Variants in ABCB9 observed in about 807,000 individuals in gnomAD.
ABCB9 encodes ATP binding cassette subfamily B member 9.
A neutral mutation model predicts 62.0 loss-of-function variants in ABCB9; 36 were observed. The observed-to-expected ratio is 0.58, with a 90% CI of 0.45 to 0.77. The LOEUF is 0.77. Among genes scored for constraint, ABCB9 ranks in the 30% least tolerant of loss-of-function variants. ABCB9 has a pLI of 0.00. For synonymous variants in ABCB9, 435 were observed against 461.4 expected, an observed-to-expected ratio of 0.94 and a Z score of 0.73; for missense variants, 943 against 1,054.7, an observed-to-expected ratio of 0.89 and a Z score of 1.47.
At chr12:122,948,960 T>TG in intron 4 of ABCB9, 131 bp from the exon 5 acceptor site, 1 of 305,758 alleles carries the variant, frequency 3.3e-6, no homozygotes, top group Non-Finnish European at 5.7e-6. Context: ...GGTTGGGGGG[T>TG]GGGGGAGAAG....
intron 6 of ABCB9, 135 bp downstream of exon 6, chr12:122,945,877 CAAAAAAAAAAAAA>C (rs766455584): frequency 2.7e-6 from 1 of 372,144 alleles, no homozygotes; most frequent in East Asian, 5.2e-5. Flanking sequence ...GGCTCTGTCT[CAAAAAAAAAAAAA>C]AAAAAAAAGA....
downstream of ABCB9, among the ~76,000 whole-genome samples, chr12:122,919,975 C>T (rs184636884): frequency 1.3e-5 from 2 of 151,910 alleles, no homozygotes; most frequent in African/African-American, 4.8e-5. Context: ...GGCACAATCT[C>T]GGCTCACTGC....
At chr12:122,939,177 CA>C (rs2035611171) in intron 9 of ABCB9, among the ~76,000 whole-genome samples, 1 of 151,948 alleles carries the variant, frequency 6.6e-6, no homozygotes, top group Non-Finnish European at 1.5e-5. Flanking sequence ...TCTCAAAAAA[CA>C]AAAATAAAGG....
At chr12:122,954,396 C>T (rs1281998587) in intron 2 of ABCB9, among the ~76,000 whole-genome samples, 11 of 151,998 alleles carry the variant, frequency 7.2e-5, no homozygotes, top group Admixed American at 2.0e-4. Context: ...TTAGTAGAGA[C>T]GGGGTTTCTC....
chr12:122,928,221 G>A (rs2034962934), downstream of ABCB9, among the ~76,000 whole-genome samples: 1 of 152,154 alleles, frequency 6.6e-6, no homozygotes, highest in Admixed American at 6.5e-5. Flanking sequence ...TATAATCCCA[G>A]CACTTAGGGA....
At position 122,944,793 on chromosome 12, in the gene ABCB9, C is replaced by A; in HGVS notation, c.1252-274G>T. 1 of 347,000 alleles carries A rather than the reference C, an allele frequency of 2.9e-6. No individual in the cohort carries two copies. Among genetic ancestry groups the A allele is most frequent in the Non-Finnish European group, 5.5e-6 (1 of 182,406 alleles). The allele number at this position is 347,000 out of a possible 1,614,324, so 21.5% of individuals were successfully genotyped here. A position where few individuals can be genotyped will look rare whatever the true frequency, so the allele number is the denominator to read the frequency against. ...GAGGTCCTGGCACACACATGCCACC[C>A]CCAGGCTCCTCAGCTTGGCCACCTG... is the stretch of plus-strand genomic sequence containing the variant. On this transcript the variant is annotated intron_variant, in intron 6 of 11. Transcript: ENST00000280560. This position sits in a 1 kb window ranked among gnomAD's most constrained non-coding sequence, Gnocchi z 4.9.
At chr12:122,957,656 A>ATT (rs2036667430) in intron 2 of ABCB9, among the ~76,000 whole-genome samples, 2 of 139,978 alleles carry the variant, frequency 1.4e-5, no homozygotes, top group Non-Finnish European at 3.1e-5. Flanking sequence ...CAACTAAAAT[A>ATT]TTAATATCTT....
chr12:122,957,824 A>C (rs1455926378), intron 2 of ABCB9, among the ~76,000 whole-genome samples: 2 of 150,762 alleles, frequency 1.3e-5, no homozygotes, highest in Non-Finnish European at 2.9e-5. Context: ...CAGCTCCAGG[A>C]ATTTATTCTA....
At chr12:122,937,574 T>C (rs1419262649) in intron 9 of ABCB9, among the ~76,000 whole-genome samples, 1 of 152,210 alleles carries the variant, frequency 6.6e-6, no homozygotes, top group Non-Finnish European at 1.5e-5. Flanking sequence ...GCGTGGTACC[T>C]ACTGCAAAGT....
intron 1 of ABCB9, among the ~76,000 whole-genome samples, chr12:122,960,911 A>G (rs2036860175): frequency 6.6e-6 from 1 of 152,052 alleles, no homozygotes. Context: ...ACAAACAAAC[A>G]TTAACTGAGT....
At chr12:122,925,144 C>T (rs1352572798), downstream of ABCB9, among the ~76,000 whole-genome samples, 1 of 152,144 alleles carries the variant, frequency 6.6e-6, no homozygotes, top group Admixed American at 6.5e-5. Context: ...TGGTCTTGAA[C>T]TCGTGGGCTC....
downstream of ABCB9, chr12:122,928,964 G>A (rs989202657): frequency 1.0e-6 from 1 of 979,158 alleles, no homozygotes; most frequent in East Asian, 1.1e-4. Flanking sequence ...TGGGCGATGA[G>A]GCAGTTGGCC....
At chr12:122,967,264 T>G (rs1465892010), upstream of ABCB9, among the ~76,000 whole-genome samples, 2 of 152,006 alleles carry the variant, frequency 1.3e-5, no homozygotes, top group South Asian at 2.1e-4. Context: ...TGCAGTAAAA[T>G]AAATAAAATT....
intron 4 of ABCB9, 108 bp from the exon 5 acceptor site, chr12:122,948,937 T>G: frequency 5.5e-6 from 4 of 725,596 alleles, no homozygotes; most frequent in East Asian, 4.3e-5. Context: ...CGGGCCTCCC[T>G]ACCTGTGGGC....
chr12:122,965,434 G>A (rs2037119679), intron 1 of ABCB9, among the ~76,000 whole-genome samples: 1 of 152,244 alleles, frequency 6.6e-6, no homozygotes. Flanking sequence ...GGGCCTGACT[G>A]TGGGGGTCCC....
At chr12:122,936,184 T>C (rs1423912299) in intron 9 of ABCB9, among the ~76,000 whole-genome samples, 1 of 152,212 alleles carries the variant, frequency 6.6e-6, no homozygotes, top group East Asian at 1.9e-4. Context: ...CAGTGCATCC[T>C]TAAAACTGAA....
At chr12:122,968,282 TG>T (rs2037230892), upstream of ABCB9, among the ~76,000 whole-genome samples, 1 of 152,378 alleles carries the variant, frequency 6.6e-6, no homozygotes, top group Admixed American at 6.5e-5. Flanking sequence ...TCATTTATGC[TG>T]TGTGACCTTA....
intron 9 of ABCB9, among the ~76,000 whole-genome samples, chr12:122,936,142 G>A (rs1375022329): frequency 6.6e-6 from 1 of 152,154 alleles, no homozygotes; most frequent in Non-Finnish European, 1.5e-5. Context: ...AACAATCTAG[G>A]TGTCCATAAA....
chr12:122,919,314 C>T (rs11060765), downstream of ABCB9, among the ~76,000 whole-genome samples: 4,033 of 152,044 alleles, frequency 0.027, 73 homozygotes, highest in South Asian at 0.047. Flanking sequence ...CTGGGACGAC[C>T]GGTATGCACT....
Sources: gnomAD v4.1 joint callset for allele counts (sites outside exome capture counted in the v4.1 genomes callset) on GRCh38, gnomAD v4.1.1 for gene constraint, Gnocchi (gnomAD v3.1) non-coding constraint, MANE v1.5 for transcripts, NCBI Gene and HGNC (gene_info 2026-07-23, HGNC 2026-07-21) for gene names.